The following GET4 variants were observed in gnomAD, a reference collection of about 807,000 sequenced individuals.
The protein encoded by GET4 is Golgi to ER traffic protein 4 homolog.
In GET4, 20 loss-of-function variants were observed where a neutral mutation model predicts 40.0. The ratio of observed to expected loss-of-function variants is 0.50; its 90% confidence interval spans 0.35 to 0.73. The LOEUF (loss-of-function observed/expected upper bound fraction) is 0.73. GET4 is among the 30% of genes least tolerant of loss of function. The pLI is 0.01. For missense variants in GET4, 557 were observed against 454.0 expected (o/e 1.23, Z -2.06); for synonymous variants, 280 against 194.6 (o/e 1.44, Z -3.65).
chr7:881,238 A>G (rs1022248905), intron 1 of GET4: 9 of 152,346 alleles, frequency 5.9e-5, no homozygotes, highest in African/African-American at 2.2e-4. Flanking sequence ...TGTAAAATGT[A>G]TAATTTGGTG....
intron 1 of GET4, chr7:884,430 G>A (rs1477698670): frequency 2.5e-6 from 3 of 1,184,698 alleles, no homozygotes; most frequent in South Asian, 1.4e-5. Context: ...TGTGCGGGGA[G>A]CACAGCAAAA....
intron 1 of GET4, chr7:883,369 A>G (rs1844124587): frequency 3.5e-6 from 1 of 282,576 alleles, no homozygotes; most frequent in African/African-American, 2.3e-5. Context: ...CCGTCTGCCA[A>G]GAGAGAAGGG....
Position 892,231 on chromosome 7 carries a change from A to G in GET4, c.606-47A>G, listed in dbSNP as rs757196205. ...GGAGGCCGGCGCCTGTGCGGGCAGA[A>G]GCTGTGTCCTCCAGCCCTTCCACCA... is the stretch of plus-strand genomic sequence containing the variant. On this transcript the variant is annotated intron_variant, in intron 5 of 8. Transcript: ENST00000265857. 3 of 1,574,886 alleles carry G rather than the reference A, an allele frequency of 1.9e-6. No homozygotes were observed. The South Asian group carries it at 3.3e-5, about 18-fold the overall frequency.
rs1844465134 is a variant in GET4 at position 895,622 on chromosome 7, GGCGTCGCCCCTGCTGGCCGCC to G, written c.*206_*226del. The G allele has an allele frequency of 2.3e-6, 1 of 436,828 alleles. No individual in the cohort carries two copies. Among genetic ancestry groups the G allele is most frequent in the Non-Finnish European group, 4.1e-6 (1 of 243,482 alleles). The allele number at this position is 436,828 out of a possible 1,614,324, so 27.1% of individuals were successfully genotyped here. On this transcript the variant is annotated 3_prime_UTR_variant, in exon 9 of 9. Coordinates refer to ENST00000265857, the MANE Select transcript of GET4 (RefSeq NM_015949.3). ...CTGTGCTGCTGGGACCCAAGAGTGG[GGCGTCGCCCCTGCTGGCCGCC>G]GCGTCCCCCGAGATTGACCCACAAT...
chr7:878,574 C>G (rs1249173045), intron 1 of GET4, among the ~76,000 whole-genome samples: 1 of 130,456 alleles, frequency 7.7e-6, no homozygotes, highest in Non-Finnish European at 1.6e-5. Context: ...TTTTAATAAA[C>G]TTTTTTTTTT....
chr7:883,947 C>T (rs763964729), intron 1 of GET4: 181 of 1,060,384 alleles, frequency 1.7e-4, no homozygotes, highest in Non-Finnish European at 2.0e-4. Flanking sequence ...TTTCCCCTTG[C>T]CCGGCTCCCA....
At chr7:894,764 A>G (rs1735696056) in intron 8 of GET4, among the ~76,000 whole-genome samples, 1 of 152,234 alleles carries the variant, frequency 6.6e-6, no homozygotes, top group South Asian at 2.1e-4. Context: ...TTGTATTCAA[A>G]GAACACGGTG....
At chr7:878,302 G>C (rs937706705) in intron 1 of GET4, 2 of 471,014 alleles carry the variant, frequency 4.2e-6, no homozygotes, top group Non-Finnish European at 8.8e-6. Flanking sequence ...CTGTCATACA[G>C]TTACTGCAGA....
intron 5 of GET4, among the ~76,000 whole-genome samples, chr7:891,794 C>T (rs1449793129): frequency 2.0e-5 from 3 of 152,262 alleles, no homozygotes; most frequent in Admixed American, 2.0e-4. Context: ...TGGGTCAAAC[C>T]CAGAGCTCCC....
intron 1 of GET4, chr7:884,413 C>G: frequency 7.9e-7 from 1 of 1,262,510 alleles, no homozygotes; most frequent in South Asian, 1.3e-5. Context: ...CCCTCCAGAA[C>G]CTTCACTGTG....
intron 6 of GET4, among the ~76,000 whole-genome samples, chr7:892,880 G>T (rs575738177): frequency 6.6e-6 from 1 of 151,458 alleles, no homozygotes; most frequent in South Asian, 2.1e-4. Flanking sequence ...TATGTGTGTT[G>T]TGTGTAGACG....
chr7:889,373 A>G (rs1162538899), intron 4 of GET4, among the ~76,000 whole-genome samples: 1 of 152,260 alleles, frequency 6.6e-6, no homozygotes, highest in African/African-American at 2.4e-5. Flanking sequence ...GCTCCATGAC[A>G]CTTGGGCTAT....
chr7:893,937 G>C lies in GET4; in HGVS notation c.861G>C (p.Pro287=), dbSNP rs145079474. ...DRIGQLFFGV[P]PKQTSSYGGL... ...TAGGACAGCTGTTCTTCGGCGTCCC[G>C]CCCAAGCAGACGTCTTCCTACGGGG... is the stretch of plus-strand genomic sequence containing the variant. The change falls in exon 8 of 9, where the codon CCG becomes CCC. Residue 287 remains proline, a synonymous_variant. Transcript: ENST00000265857. 6.2e-7 allele frequency: 1 copy of C among 1,607,184 alleles called. No individual in the cohort carries two copies. Among genetic ancestry groups the C allele is most frequent in the African/African-American group, 1.3e-5 (1 of 74,942 alleles).
In GET4 at chr7:895,360, T is replaced by C; in HGVS notation, c.922T>C (p.Ser308Pro). Residue 308 changes from serine to proline, a missense_variant, in exon 9 of 9, where the codon TCC (serine) becomes CCC (proline). Transcript: ENST00000265857. Reference protein sequence around the residue: ...LGNLLTSLMGSSEQEDGEESP... With the variant: ...LGNLLTSLMGPSEQEDGEESP... ...GAACCTTCTGACCAGCCTCATGGGCTCCTCAGAGCAGGAGGATGGGGAGGA... is the reference window on the plus strand; with the variant it reads ...GAACCTTCTGACCAGCCTCATGGGCCCCTCAGAGCAGGAGGATGGGGAGGA... The C allele has an allele frequency of 1.3e-6, 2 of 1,593,004 alleles. No individual in the cohort carries two copies. The highest frequency in any genetic ancestry group is 1.7e-6 in the Non-Finnish European group (2 of 1,163,144).
In GET4 at chr7:892,331, C is replaced by T. The variant is rs1844344676; in HGVS notation, c.659C>T (p.Thr220Ile). ...SSASVVFTTYTQKHPSIEDGP... is the reference protein window; with the variant it reads ...SSASVVFTTYIQKHPSIEDGP... Reference sequence around the variant, plus strand: ...GCATCGGTGGTCTTCACGACGTACACCCAGAAGCACCCGTCCATCGAGGAC... The same window carrying T: ...GCATCGGTGGTCTTCACGACGTACATCCAGAAGCACCCGTCCATCGAGGAC... Residue 220 changes from threonine (T) to isoleucine (I), a missense_variant, in exon 6 of 9, where the codon ACC becomes ATC. Coordinates refer to ENST00000265857, the MANE Select transcript of GET4 (RefSeq NM_015949.3). 1.9e-6 allele frequency: 3 copies of T among 1,596,262 alleles called. No individual in the cohort carries two copies. In the African/African-American group the frequency reaches 4.0e-5, roughly 21 times the overall value.
intron 2 of GET4, 150 bp from the exon 3 acceptor site, chr7:886,419 T>G (rs1844189534): frequency 1.5e-6 from 1 of 656,054 alleles, no homozygotes; most frequent in Non-Finnish European, 2.7e-6. Flanking sequence ...GCTCTCTTTT[T>G]CGGCGGCATT....
At chr7:884,198 C>A (rs780235397) in intron 1 of GET4, 5 of 1,302,522 alleles carry the variant, frequency 3.8e-6, no homozygotes, top group Non-Finnish European at 5.1e-6. Context: ...TGCTCAGGGT[C>A]GGTGCATGCG....
At chr7:884,522 G>A (rs1348226432) in intron 1 of GET4, 6 of 402,706 alleles carry the variant, frequency 1.5e-5, no homozygotes, top group African/African-American at 1.3e-4. Context: ...CCCTCCTGGT[G>A]CCCTGCCTCT....
At chr7:882,604 ACCTTGCCCCGGGGAT>A (rs1844108649) in intron 1 of GET4, 1 of 148,276 alleles carries the variant, frequency 6.7e-6, no homozygotes. Context: ...TGGGCGGCCG[ACCTTGCCCCGGGGAT>A]GGCGCGGGTT....
Sources: gnomAD v4.1 joint callset for allele counts (sites outside exome capture counted in the v4.1 genomes callset) on GRCh38, gnomAD v4.1.1 for gene constraint, MANE v1.5 for transcripts, NCBI Gene and HGNC (gene_info 2026-07-23, HGNC 2026-07-21) for gene names.